DIP2C: variants seen among roughly 807,000 people sequenced by gnomAD.
DIP2C encodes DIP2 acetate--CoA ligase C (putative), also known as disco-interacting protein 2 homolog C.
A neutral mutation model predicts 192.4 loss-of-function variants in DIP2C; 33 were observed. The observed-to-expected ratio is 0.17, with a 90% confidence interval of 0.13 to 0.23. DIP2C has a LOEUF of 0.23. DIP2C is among the 10% of genes least tolerant of loss of function. DIP2C has a pLI of 1.00. For synonymous variants in DIP2C, 979 were observed against 864.1 expected, an observed-to-expected ratio of 1.13 and a Z score of -2.33; for missense variants, 1,537 against 2,110.1, an observed-to-expected ratio of 0.73 and a Z score of 5.32.
intron 8 of DIP2C, among the ~76,000 whole-genome samples, chr10:411,185 A>T (rs943367345): frequency 6.6e-6 from 1 of 152,218 alleles, no homozygotes; most frequent in Non-Finnish European, 1.5e-5. Context: ...AGTAAAAGGA[A>T]AACCATAAAT....
chr10:659,072 T>C (rs1238388601), intron 1 of DIP2C, among the ~76,000 whole-genome samples: 4 of 151,932 alleles, frequency 2.6e-5, no homozygotes, highest in Non-Finnish European at 5.9e-5. Flanking sequence ...TACATGCACA[T>C]ACAACACTCA....
chr10:297,223 C>A (rs1172584306), intron 32 of DIP2C, among the ~76,000 whole-genome samples: 5 of 125,634 alleles, frequency 4.0e-5, no homozygotes, highest in South Asian at 3.2e-4. Flanking sequence ...AAAACCAACC[C>A]CCCCCCACCC....
At chr10:550,920 C>A (rs1848552886) in intron 1 of DIP2C, among the ~76,000 whole-genome samples, 1 of 152,204 alleles carries the variant, frequency 6.6e-6, no homozygotes, top group Non-Finnish European at 1.5e-5. Flanking sequence ...GTGCACATGG[C>A]TTCCCCGGGC....
Position 364,063 on chromosome 10 carries a change from G to A in DIP2C, c.2477+311C>T, listed in dbSNP as rs1303767290. Among the ~76,000 whole-genome samples the A allele has an allele frequency of 3.9e-5, 6 of 152,184 alleles. No homozygotes were observed. The East Asian group carries it at 7.7e-4, about 20-fold the overall frequency. The stretch of plus-strand genomic sequence containing the variant: ...CTTGGGTCTCTCCAACCCGCTCCAC[G>A]ATGGATATCTGGATCTTTAATTTGT... On this transcript the variant is annotated intron_variant, in intron 20 of 36. Coordinates refer to ENST00000280886, the MANE Select transcript of DIP2C (RefSeq NM_014974.3).
chr10:340,073 C>T (rs185908610), intron 29 of DIP2C, among the ~76,000 whole-genome samples: 143 of 151,718 alleles, frequency 9.4e-4, no homozygotes, highest in African/African-American at 3.2e-3. Context: ...CCCAGCTACT[C>T]GGGAGGCTGA....
intron 1 of DIP2C, among the ~76,000 whole-genome samples, chr10:543,015 T>C (rs1043246649): frequency 6.6e-6 from 1 of 152,190 alleles, no homozygotes; most frequent in African/African-American, 2.4e-5. Context: ...AAACATTGAG[T>C]GATGACGATG....
At chr10:687,128 G>C (rs759164825) in intron 1 of DIP2C, among the ~76,000 whole-genome samples, 1 of 152,172 alleles carries the variant, frequency 6.6e-6, no homozygotes, top group Non-Finnish European at 1.5e-5. Flanking sequence ...ATTAACAGCT[G>C]TTTTCAGCTT....
intron 1 of DIP2C, among the ~76,000 whole-genome samples, chr10:601,027 G>A (rs1454037378): frequency 6.6e-6 from 1 of 152,110 alleles, no homozygotes; most frequent in Non-Finnish European, 1.5e-5. Flanking sequence ...ACCTGAGAAG[G>A]CTGCTCAGTC....
intron 1 of DIP2C, among the ~76,000 whole-genome samples, chr10:684,184 A>G (rs911955641): frequency 4.6e-5 from 7 of 152,268 alleles, no homozygotes; most frequent in Admixed American, 1.3e-4. Context: ...TCCAGTCCAC[A>G]CGTTCAAAAG....
intron 10 of DIP2C, among the ~76,000 whole-genome samples, chr10:396,449 GAAGAA>G (rs1202709444): frequency 6.6e-6 from 1 of 152,208 alleles, no homozygotes; most frequent in Non-Finnish European, 1.5e-5. Flanking sequence ...TTATTAAAGT[GAAGAA>G]AAGAATAATT....
intron 6 of DIP2C, among the ~76,000 whole-genome samples, chr10:418,089 A>G (rs78327986): frequency 1.5e-3 from 3 of 2,062 alleles, no homozygotes; most frequent in African/African-American, 1.9e-3. Flanking sequence ...GTCAGGCCTC[A>G]GATAGGCATC....
Position 679,815 on chromosome 10 carries a change from G to A in DIP2C, c.85+9679C>T, listed in dbSNP as rs566654079. Among the ~76,000 whole-genome samples the A allele has an allele frequency of 2.2e-3, 328 of 152,200 alleles. 1 individual carries two copies. The highest frequency in any genetic ancestry group is 6.8e-3 in the Middle Eastern group (2 of 294). On this transcript the variant is annotated intron_variant, in intron 1 of 36. Coordinates refer to ENST00000280886, the MANE Select transcript of DIP2C (RefSeq NM_014974.3). ...TTCCCTGCGCCCATATCTGCTCCTC[G>A]AGCTCCCTTCCACAGATTTCCTCTG...
intron 1 of DIP2C, among the ~76,000 whole-genome samples, chr10:609,898 C>G (rs1162813857): frequency 6.6e-6 from 1 of 152,144 alleles, no homozygotes; most frequent in Non-Finnish European, 1.5e-5. Context: ...AAGCCCCTTC[C>G]CAGCGGTTCT....
chr10:444,482 CAAGA>C (rs1967998319), intron 3 of DIP2C, among the ~76,000 whole-genome samples: 1 of 152,088 alleles, frequency 6.6e-6, no homozygotes, highest in Non-Finnish European at 1.5e-5. Flanking sequence ...GGTGTTCACT[CAAGA>C]GACAGCCACT....
chr10:296,370 T>C (rs1367873446), intron 32 of DIP2C, among the ~76,000 whole-genome samples: 2 of 146,196 alleles, frequency 1.4e-5, no homozygotes, highest in Non-Finnish European at 3.1e-5. Context: ...ATGGCAATCA[T>C]TAAAAAGTCA....
rs575747353 is a variant in DIP2C, at chr10:400,545, T to C, written c.1150-1326A>G. Among the ~76,000 whole-genome samples, 3 of 152,250 alleles carry C rather than the reference T, an allele frequency of 2.0e-5. No homozygotes were observed. In the East Asian group the frequency reaches 5.8e-4, roughly 29 times the overall value. On this transcript the variant is annotated intron_variant, in intron 9 of 36. Coordinates refer to ENST00000280886, the MANE Select transcript of DIP2C (RefSeq NM_014974.3). ...TACATTTTCATCAGCACATGAATCC[T>C]GTGATTTTACACGTGTGGTAGCATT...
chr10:479,101 G>C (rs1004868987), intron 2 of DIP2C, among the ~76,000 whole-genome samples: 2 of 152,162 alleles, frequency 1.3e-5, no homozygotes, highest in South Asian at 4.1e-4. Flanking sequence ...TCTAAATCCA[G>C]TCCCATTCTC....
At chr10:436,281 T>TCA (rs1967190185) in intron 4 of DIP2C, among the ~76,000 whole-genome samples, 1 of 152,252 alleles carries the variant, frequency 6.6e-6, no homozygotes, top group Admixed American at 6.5e-5. Context: ...GGTAACGTGT[T>TCA]GAGCACGCTC....
intron 1 of DIP2C, among the ~76,000 whole-genome samples, chr10:579,591 CAT>C (rs1273621220): frequency 1.3e-5 from 2 of 152,034 alleles, no homozygotes; most frequent in African/African-American, 4.8e-5. Flanking sequence ...ATGCATAGAG[CAT>C]ACACATCCAA....
Sources: gnomAD v4.1 joint callset for allele counts (sites outside exome capture counted in the v4.1 genomes callset) on GRCh38, gnomAD v4.1.1 for gene constraint, MANE v1.5 for transcripts, NCBI Gene and HGNC (gene_info 2026-07-23, HGNC 2026-07-21) for gene names.